SDK1: variants seen among roughly 807,000 people sequenced by gnomAD.
SDK1 encodes sidekick cell adhesion molecule 1, also known as protein sidekick-1.
SDK1 carries 157 observed loss-of-function variants against 245.5 expected under a neutral mutation model. The ratio of observed to expected loss-of-function variants is 0.64; its 90% CI spans 0.56 to 0.73. SDK1 has a LOEUF of 0.73. SDK1 is among the 30% of genes least tolerant of loss of function. The probability of loss-of-function intolerance (pLI) is 0.00; values close to 1 mark genes in which losing one functional copy is unlikely to be tolerated. For synonymous variants in SDK1, 1,647 were observed against 1,278.5 expected (o/e 1.29, Z -6.15); for missense variants, 3,583 against 3,002.3 (o/e 1.19, Z -4.52).
At chr7:3,578,411 G>A (rs1009854598) in intron 1 of SDK1, among the ~76,000 whole-genome samples, 1 of 152,014 alleles carries the variant, frequency 6.6e-6, no homozygotes, top group Non-Finnish European at 1.5e-5. Flanking sequence ...ACTGATAAGG[G>A]TCTATGTTCA....
intron 4 of SDK1, among the ~76,000 whole-genome samples, chr7:3,816,106 G>A (rs1779501752): frequency 7.3e-6 from 1 of 137,244 alleles, no homozygotes; most frequent in Non-Finnish European, 1.6e-5. Context: ...GTGTGTAGAG[G>A]GAAATTTATA....
chr7:3,324,141 T>A (rs1276704742), intron 1 of SDK1, among the ~76,000 whole-genome samples: 1 of 152,204 alleles, frequency 6.6e-6, no homozygotes, highest in African/African-American at 2.4e-5. Flanking sequence ...CACATTGCTG[T>A]CGTAGGGTCA....
chr7:4,265,230 G>T lies in SDK1; in HGVS notation c.6488G>T (p.Arg2163Leu). The T allele has an allele frequency of 1.2e-6, 2 of 1,608,242 alleles. No individual in the cohort carries two copies. The highest frequency in any genetic ancestry group is 1.7e-6 in the Non-Finnish European group (2 of 1,179,326). Reference sequence around the variant, plus strand: ...TCATGGAAGCGCAGGGCCCAGGGCCGCGCACCTGCGCCGCACAGGTACGAG... The same window carrying T: ...TCATGGAAGCGCAGGGCCCAGGGCCTCGCACCTGCGCCGCACAGGTACGAG... ...YNSWKRRAQG[R>L]APAPHRYEAV... Residue 2163 changes from arginine (R) to leucine (L), a missense_variant, in exon 45 of 45, where the codon CGC (arginine) becomes CTC (leucine). Transcript: ENST00000404826.
chr7:3,855,008 C>G (rs146191328), intron 5 of SDK1, among the ~76,000 whole-genome samples: 17 of 152,114 alleles, frequency 1.1e-4, no homozygotes, highest in African/African-American at 4.1e-4. Context: ...AGACCCTGTA[C>G]GTCCTAATCC....
chr7:3,506,616 C>A (rs935245004), intron 1 of SDK1, among the ~76,000 whole-genome samples: 1 of 152,064 alleles, frequency 6.6e-6, no homozygotes, highest in Non-Finnish European at 1.5e-5. Flanking sequence ...TCCCTTTTTA[C>A]TGAGAGTGTT....
At position 4,265,664 on chromosome 7, in the gene SDK1, G is replaced by T. The variant is rs1788422785; in HGVS notation, c.*280G>T. The stretch of plus-strand genomic sequence containing the variant: ...GGTGCAATGGCTTGGCACCTCCGGG[G>T]CCTGGGAGGACCTCAGACCTCCCCA... On this transcript the variant is annotated 3_prime_UTR_variant, in exon 45 of 45. Coordinates refer to ENST00000404826, the MANE Select transcript of SDK1 (RefSeq NM_152744.4). 8.2e-7 allele frequency: 1 copy of T among 1,219,832 alleles called. No homozygotes were observed. Among genetic ancestry groups the T allele is most frequent in the African/African-American group, 1.6e-5 (1 of 62,638 alleles). 75.6% of individuals were successfully genotyped at this position (1,219,832 alleles called of 1,614,324 possible).
intron 14 of SDK1, among the ~76,000 whole-genome samples, chr7:4,004,878 A>G (rs1212172020): frequency 7.4e-6 from 1 of 134,614 alleles, no homozygotes; most frequent in Non-Finnish European, 1.6e-5. Flanking sequence ...TGGTCCATCC[A>G]TCGTACTGGT....
chr7:3,938,405 G>A (rs1323235635), intron 5 of SDK1, among the ~76,000 whole-genome samples: 1 of 152,082 alleles, frequency 6.6e-6, no homozygotes, highest in Non-Finnish European at 1.5e-5. Context: ...CACTTTGGGA[G>A]GCCGAGGCGG....
intron 38 of SDK1, among the ~76,000 whole-genome samples, chr7:4,214,871 T>A (rs1013243351): frequency 5.3e-5 from 8 of 152,334 alleles, no homozygotes; most frequent in Non-Finnish European, 1.0e-4. Context: ...ACACCGTCAG[T>A]CTGCAGGCAC....
intron 1 of SDK1, among the ~76,000 whole-genome samples, chr7:3,513,493 A>G (rs1047184374): frequency 3.9e-5 from 6 of 152,216 alleles, no homozygotes; most frequent in African/African-American, 1.4e-4. Context: ...AAGAAATCAT[A>G]TAAGACACAA....
rs930644397 is a variant in SDK1, at chr7:4,063,350, A to G, written c.2912-4488A>G. ...AATCAAGAAGTTGATTCCATTTACA[A>G]TAGCTATAAAAGAAAAACATATCTA... On this transcript the variant is annotated intron_variant, in intron 19 of 44. Transcript: ENST00000404826. Among the ~76,000 whole-genome samples the G allele has an allele frequency of 3.3e-5, 5 of 152,320 alleles. No individual in the cohort carries two copies. In the East Asian group the frequency reaches 7.7e-4, roughly 23 times the overall value.
chr7:3,369,907 A>C (rs921052091), intron 1 of SDK1, among the ~76,000 whole-genome samples: 4 of 152,210 alleles, frequency 2.6e-5, no homozygotes, highest in African/African-American at 9.6e-5. Context: ...CTGCTGGTGT[A>C]CAGTGCGGAC....
chr7:4,158,011 C>T (rs1459931014), intron 30 of SDK1, among the ~76,000 whole-genome samples: 1 of 152,174 alleles, frequency 6.6e-6, no homozygotes, highest in East Asian at 1.9e-4. Context: ...GGGGAATTAG[C>T]TCTTCCTGAG....
At chr7:3,987,004 G>C (rs1030359475) in intron 13 of SDK1, among the ~76,000 whole-genome samples, 182 bp from the exon 14 acceptor site, 2 of 152,220 alleles carry the variant, frequency 1.3e-5, no homozygotes, top group Non-Finnish European at 2.9e-5. Context: ...TGTGAATAAT[G>C]AAGCTGGGTT....
chr7:4,021,342 A>G (rs1004330935), intron 17 of SDK1, among the ~76,000 whole-genome samples: 1 of 152,172 alleles, frequency 6.6e-6, no homozygotes, highest in Non-Finnish European at 1.5e-5. Context: ...CGGGCTATGG[A>G]CACGAGGGTT....
At chr7:3,610,304 G>A (rs1781549328) in intron 1 of SDK1, among the ~76,000 whole-genome samples, 1 of 152,114 alleles carries the variant, frequency 6.6e-6, no homozygotes, top group Admixed American at 6.5e-5. Flanking sequence ...GGACCTTTCA[G>A]TTTTTTATTT....
At chr7:4,181,362 G>A (rs2128219997) in intron 35 of SDK1, among the ~76,000 whole-genome samples, 1 of 152,356 alleles carries the variant, frequency 6.6e-6, no homozygotes, top group African/African-American at 2.4e-5. Flanking sequence ...ACACTCGGGG[G>A]CCTTCCCCCT....
intron 1 of SDK1, among the ~76,000 whole-genome samples, chr7:3,598,785 A>G (rs1781155765): frequency 6.6e-6 from 1 of 152,216 alleles, no homozygotes; most frequent in African/African-American, 2.4e-5. Context: ...TACTGCAGGT[A>G]TCAATAGTTT....
intron 22 of SDK1, among the ~76,000 whole-genome samples, chr7:4,103,512 T>C (rs1266958562): frequency 6.6e-6 from 1 of 152,218 alleles, no homozygotes; most frequent in Admixed American, 6.5e-5. Context: ...AAACCTTTTA[T>C]TATAGAAATT....
Sources: gnomAD v4.1 joint callset for allele counts (sites outside exome capture counted in the v4.1 genomes callset) on GRCh38, gnomAD v4.1.1 for gene constraint, MANE v1.5 for transcripts, NCBI Gene and HGNC (gene_info 2026-07-23, HGNC 2026-07-21) for gene names.